RIT2: variants seen among roughly 807,000 people sequenced by gnomAD.
RIT2 encodes the protein Ras like without CAAX 2.
RIT2 carries 24 observed loss-of-function variants against 23.7 expected under a neutral mutation model. The observed-to-expected ratio is 1.01, with a 90% confidence interval of 0.73 to 1.43. RIT2 has a LOEUF of 1.43. RIT2 is among the 40% of genes most tolerant of loss of function. The pLI is 0.00. For synonymous variants in RIT2, 107 were observed against 91.1 expected (o/e 1.17, Z -0.99); for missense variants, 236 against 266.9 (o/e 0.88, Z 0.81).
At chr18:42,943,539 C>A (rs1909655098) in intron 3 of RIT2, among the ~76,000 whole-genome samples, 1 of 152,132 alleles carries the variant, frequency 6.6e-6, no homozygotes, top group African/African-American at 2.4e-5. Context: ...TGAATCAACA[C>A]AAATTGGGTA....
chr18:42,808,719 G>GA (rs941062303), intron 4 of RIT2, among the ~76,000 whole-genome samples: 15 of 151,574 alleles, frequency 9.9e-5, no homozygotes, highest in African/African-American at 3.6e-4. Context: ...TTAAATACCA[G>GA]AAAAAATGGT....
At chr18:42,772,055 G>A (rs527477076) in intron 4 of RIT2, among the ~76,000 whole-genome samples, 1 of 152,158 alleles carries the variant, frequency 6.6e-6, no homozygotes, top group Non-Finnish European at 1.5e-5. Context: ...GTTAGTCAAA[G>A]AATTAGAGAC....
intron 1 of RIT2, among the ~76,000 whole-genome samples, chr18:43,044,730 C>G (rs1044366619): frequency 2.0e-5 from 3 of 152,122 alleles, no homozygotes; most frequent in African/African-American, 7.2e-5. Flanking sequence ...AAAACAGCAT[C>G]ATTTGGTTGG....
At position 42,939,731 on chromosome 18, in the gene RIT2, C is replaced by G. The variant is rs756700678; in HGVS notation, c.235-15968G>C. ...TTAGTATTTATATCTAAAACCTGGA[C>G]TGCAAGCCTGATTACAAACAGAGGT... On this transcript the variant is annotated intron_variant, in intron 3 of 4. Coordinates refer to ENST00000326695, the MANE Select transcript of RIT2 (RefSeq NM_002930.4). Among the ~76,000 whole-genome samples the G allele has an allele frequency of 4.9e-4, 75 of 152,032 alleles. 2 individuals carry two copies. The highest frequency in any genetic ancestry group is 1.0e-4 in the Non-Finnish European group (7 of 68,014).
chr18:42,762,062 G>C (rs1430432414), intron 4 of RIT2, among the ~76,000 whole-genome samples: 2 of 152,184 alleles, frequency 1.3e-5, no homozygotes, highest in Admixed American at 6.5e-5. Flanking sequence ...TTACATGTGA[G>C]AGAATTCCAG....
rs186952041 is a variant in RIT2, at chr18:42,747,425, C to T, written c.427-3705G>A. On this transcript the variant is annotated intron_variant, in intron 4 of 4. Transcript: ENST00000326695. ...ACGACACAAACAAATGAAAACACAT[C>T]CCATGCTCGTGGATGGGTAGAATCA... Among the ~76,000 whole-genome samples, 10 of 152,098 alleles carry T rather than the reference C, an allele frequency of 6.6e-5. No homozygotes were observed. In the East Asian group the frequency reaches 1.9e-3, roughly 29 times the overall value.
At chr18:43,036,750 G>C (rs1052231221) in intron 1 of RIT2, among the ~76,000 whole-genome samples, 3 of 152,154 alleles carry the variant, frequency 2.0e-5, no homozygotes, top group African/African-American at 7.2e-5. Flanking sequence ...GAATTCAAAA[G>C]ATAATTTTAG....
chr18:42,934,938 C>T (rs1214658657), intron 3 of RIT2, among the ~76,000 whole-genome samples: 3 of 151,900 alleles, frequency 2.0e-5, no homozygotes, highest in African/African-American at 7.3e-5. Flanking sequence ...ATGATGGTAA[C>T]AGTAACTCAA....
chr18:42,744,567 T>C (rs1047074602), intron 4 of RIT2, among the ~76,000 whole-genome samples: 1 of 152,184 alleles, frequency 6.6e-6, no homozygotes, highest in African/African-American at 2.4e-5. Flanking sequence ...TGGTTAATTT[T>C]TTTGACTTTT....
At chr18:42,916,277 T>C (rs1313006485) in intron 4 of RIT2, among the ~76,000 whole-genome samples, 1 of 152,100 alleles carries the variant, frequency 6.6e-6, no homozygotes, top group Non-Finnish European at 1.5e-5. Flanking sequence ...AAGATGAGTT[T>C]GTCCATACAT....
intron 4 of RIT2, among the ~76,000 whole-genome samples, chr18:42,912,079 A>C (rs894842723): frequency 1.3e-5 from 2 of 151,824 alleles, no homozygotes; most frequent in Admixed American, 1.3e-4. Context: ...TATATGTATA[A>C]TAATGCACTA....
chr18:42,893,863 A>ACCC (rs1908249698), intron 4 of RIT2, among the ~76,000 whole-genome samples: 3 of 152,090 alleles, frequency 2.0e-5, no homozygotes, highest in Non-Finnish European at 4.4e-5. Flanking sequence ...CTTAGTTAAA[A>ACCC]CTCATTTTTT....
chr18:42,760,573 A>T (rs2143898939), intron 4 of RIT2, among the ~76,000 whole-genome samples: 1 of 152,316 alleles, frequency 6.6e-6, no homozygotes. Context: ...ATACACTGGA[A>T]AAAAGCATCC....
At chr18:42,837,148 T>TTTTTCTTTTC (rs1555641141) in intron 4 of RIT2, among the ~76,000 whole-genome samples, 4 of 111,944 alleles carry the variant, frequency 3.6e-5, no homozygotes, top group Non-Finnish European at 7.1e-5. Context: ...TTTTTTTTTC[T>TTTTTCTTTTC]TTTTCTTTTT....
intron 4 of RIT2, among the ~76,000 whole-genome samples, chr18:42,768,352 C>T (rs1913474010): frequency 6.6e-6 from 1 of 152,082 alleles, no homozygotes; most frequent in South Asian, 2.1e-4. Context: ...CTGAGCCAGC[C>T]AACCAACAGT....
At chr18:43,094,325 T>C (rs1913499478) in intron 1 of RIT2, among the ~76,000 whole-genome samples, 1 of 151,996 alleles carries the variant, frequency 6.6e-6, no homozygotes, top group African/African-American at 2.4e-5. Context: ...TCCGTGCTTA[T>C]AGATTAGCTT....
intron 4 of RIT2, among the ~76,000 whole-genome samples, chr18:42,902,496 G>A (rs971699597): frequency 7.3e-5 from 11 of 151,358 alleles, no homozygotes; most frequent in Non-Finnish European, 1.3e-4. Flanking sequence ...TTCTATTATT[G>A]TGTACTTTAT....
At chr18:42,945,303 A>G (rs1026164957) in intron 3 of RIT2, among the ~76,000 whole-genome samples, 16 of 151,882 alleles carry the variant, frequency 1.1e-4, no homozygotes, top group Non-Finnish European at 5.9e-5. Context: ...GCAAAGGGCA[A>G]TTACATTCTA....
At chr18:42,939,508 A>G (rs1266694813) in intron 3 of RIT2, among the ~76,000 whole-genome samples, 1 of 152,148 alleles carries the variant, frequency 6.6e-6, no homozygotes, top group African/African-American at 2.4e-5. Context: ...CAGAGCTACA[A>G]ATAAGCCTAA....
Sources: allele counts gnomAD v4.1 joint callset (sites outside exome capture counted in the v4.1 genomes callset), GRCh38; gene constraint gnomAD v4.1.1; transcripts MANE v1.5; gene names NCBI Gene and HGNC (gene_info 2026-07-23, HGNC 2026-07-21).